The following ADAP2 variants were observed in gnomAD, a reference collection of about 807,000 sequenced individuals.
ADAP2 encodes the protein ArfGAP with dual PH domains 2.
Under a neutral mutation model 54.9 loss-of-function variants are expected in ADAP2, and 42 were observed. The observed-to-expected ratio is 0.77, with a 90% CI of 0.60 to 0.99. ADAP2 has a LOEUF of 0.99. Ranked by LOEUF, ADAP2 falls within the 50% of genes least tolerant of loss-of-function variation. The pLI, the probability that ADAP2 is intolerant of heterozygous loss-of-function variation, is 0.00. For missense variants in ADAP2, 429 were observed against 480.4 expected (o/e 0.89, Z 1.00); for synonymous variants, 177 against 180.1 (o/e 0.98, Z 0.14).
At chr17:30,944,020 G>A (rs1428243508) in intron 5 of ADAP2, among the ~76,000 whole-genome samples, 3 of 150,772 alleles carry the variant, frequency 2.0e-5, no homozygotes, top group South Asian at 2.1e-4. Context: ...GTGAAACCCC[G>A]TTTCTACTAA....
chr17:30,926,140 C>A (rs980149097), intron 2 of ADAP2, among the ~76,000 whole-genome samples: 10 of 152,178 alleles, frequency 6.6e-5, no homozygotes, highest in African/African-American at 2.4e-4. Context: ...CACAGCCTAG[C>A]GGCCCCTGCA....
intron 5 of ADAP2, among the ~76,000 whole-genome samples, chr17:30,937,884 C>A (rs1395215723): frequency 6.6e-6 from 1 of 152,198 alleles, no homozygotes; most frequent in Non-Finnish European, 1.5e-5. Flanking sequence ...GCCTATGAGT[C>A]ATCCAGTAGA....
intron 1 of ADAP2, 94 bp from the exon 2 acceptor site, chr17:30,922,846 A>G: frequency 7.1e-7 from 1 of 1,405,230 alleles, no homozygotes. Context: ...TAGGTGGGAG[A>G]AGGGGCGCCC....
chr17:30,949,641 T>C (rs1291070410), intron 7 of ADAP2, among the ~76,000 whole-genome samples: 1 of 147,964 alleles, frequency 6.8e-6, no homozygotes, highest in Non-Finnish European at 1.5e-5. Flanking sequence ...CCCAGCTACT[T>C]GGGAGGCTGA....
At chr17:30,948,304 C>T (rs1425026619) in intron 6 of ADAP2, among the ~76,000 whole-genome samples, 4 of 151,876 alleles carry the variant, frequency 2.6e-5, no homozygotes, top group South Asian at 2.1e-4. Context: ...ACAGGCTGGG[C>T]GCTGTGGCTC....
chr17:30,923,202 C>A, intron 2 of ADAP2, 132 bp downstream of exon 2: 1 of 1,022,204 alleles, frequency 9.8e-7, no homozygotes, highest in Non-Finnish European at 1.5e-6. Flanking sequence ...GGAAACACAG[C>A]TTATAAGATG....
intron 5 of ADAP2, among the ~76,000 whole-genome samples, chr17:30,941,206 C>T (rs574200885): frequency 3.9e-5 from 6 of 152,296 alleles, no homozygotes; most frequent in African/African-American, 1.4e-4. Context: ...GTGAGCTGCA[C>T]CAATTGAGGT....
intron 5 of ADAP2, among the ~76,000 whole-genome samples, chr17:30,944,556 T>C (rs1294376040): frequency 6.6e-6 from 1 of 152,158 alleles, no homozygotes; most frequent in Non-Finnish European, 1.5e-5. Context: ...ACCTCCCAGG[T>C]TCAAACCACT....
rs142406873 is a variant in ADAP2, at chr17:30,933,257, G to A, written c.398-928G>A. Reference sequence around the variant, plus strand: ...GGCTGGAGTGCAATGGCGTGAACTCGGCTCACTGCAACTTCCACATCCCAG... The same window carrying A: ...GGCTGGAGTGCAATGGCGTGAACTCAGCTCACTGCAACTTCCACATCCCAG... On this transcript the variant is annotated intron_variant, in intron 4 of 10. Coordinates refer to ENST00000330889, the MANE Select transcript of ADAP2 (RefSeq NM_018404.3). 9.8e-3 allele frequency among the ~76,000 whole-genome samples: 1,489 copies of A among 152,072 alleles called. 27 individuals carry two copies. The highest frequency in any genetic ancestry group is 0.034 in the African/African-American group (1,402 of 41,464).
chr17:30,942,216 G>A (rs1172239176), intron 5 of ADAP2, among the ~76,000 whole-genome samples: 2 of 151,952 alleles, frequency 1.3e-5, no homozygotes, highest in Admixed American at 6.6e-5. Context: ...AACTTAATAC[G>A]GGTACACTTT....
At chr17:30,926,981 C>A in intron 3 of ADAP2, 63 bp downstream of exon 3, 1 of 1,310,156 alleles carries the variant, frequency 7.6e-7, no homozygotes, top group Non-Finnish European at 1.1e-6. Flanking sequence ...TCCTCCCCCT[C>A]TCCATCTTTG....
intron 6 of ADAP2, among the ~76,000 whole-genome samples, chr17:30,946,769 G>A (rs1042044393): frequency 1.3e-5 from 2 of 152,106 alleles, no homozygotes; most frequent in African/African-American, 2.4e-5. Context: ...ATTGAGTCAC[G>A]GACATGTTAG....
At chr17:30,932,103 G>A (rs1320268537) in intron 4 of ADAP2, 135 bp downstream of exon 4, 4 of 723,654 alleles carry the variant, frequency 5.5e-6, no homozygotes, top group Non-Finnish European at 9.1e-6. Context: ...GCCAAGGTGT[G>A]GGTTCTTCTG....
chr17:30,952,042 C>G (rs957033034), intron 7 of ADAP2, among the ~76,000 whole-genome samples: 1 of 152,176 alleles, frequency 6.6e-6, no homozygotes, highest in African/African-American at 2.4e-5. Context: ...TGCCTCTGCC[C>G]TGGGCCCTGG....
intron 4 of ADAP2, 81 bp from the exon 5 acceptor site, chr17:30,934,104 C>A: frequency 9.5e-7 from 1 of 1,052,680 alleles, no homozygotes; most frequent in Non-Finnish European, 1.4e-6. Flanking sequence ...TTATTCCACC[C>A]TTGAGAACCT....
At chr17:30,936,298 A>T (rs1323332276) in intron 5 of ADAP2, among the ~76,000 whole-genome samples, 1 of 152,030 alleles carries the variant, frequency 6.6e-6, no homozygotes, top group South Asian at 2.1e-4. Flanking sequence ...GGGATTGCAG[A>T]TGCATACCAC....
chr17:30,956,457 C>G lies in ADAP2; in HGVS notation c.1099C>G (p.Leu367Val). 12 of 1,614,144 alleles carry G rather than the reference C, an allele frequency of 7.4e-6. No homozygotes were observed. Among genetic ancestry groups the G allele is most frequent in the Non-Finnish European group, 9.3e-6 (11 of 1,180,010 alleles). ...TGTCCTGTCCAGCCCCTTGACGCCC[C>G]TCAACCGGCTTAGTAAGAAGCAGGA... ...RGVLSSPLTP[L>V]NRLTASTESG... Residue 367 changes from leucine (L) to valine (V), a missense_variant, in exon 10 of 11, where the codon CTC becomes GTC. Physicochemically the swap from Leu to Val is conservative, Grantham distance 32. Coordinates refer to ENST00000330889, the MANE Select transcript of ADAP2 (RefSeq NM_018404.3).
At chr17:30,937,956 G>A (rs567323104) in intron 5 of ADAP2, among the ~76,000 whole-genome samples, 2 of 152,168 alleles carry the variant, frequency 1.3e-5, no homozygotes, top group Non-Finnish European at 2.9e-5. Flanking sequence ...GCAGAAGTTG[G>A]ATGTCTGATT....
At chr17:30,956,701 A>C in intron 10 of ADAP2, 1 of 559,970 alleles carries the variant, frequency 1.8e-6, no homozygotes. Flanking sequence ...GAGCTTTTAG[A>C]GGAGTTTGGC....
Sources: gnomAD v4.1 joint callset for allele counts (sites outside exome capture counted in the v4.1 genomes callset) on GRCh38, gnomAD v4.1.1 for gene constraint, MANE v1.5 for transcripts, NCBI Gene and HGNC (gene_info 2026-07-23, HGNC 2026-07-21) for gene names.